The following RETREG1 variants were observed in gnomAD, a reference collection of about 807,000 sequenced individuals.
RETREG1 encodes the protein family with sequence similarity 134 member B.
Under a neutral mutation model 54.8 loss-of-function variants are expected in RETREG1, and 44 were observed. The ratio of observed to expected loss-of-function variants is 0.80; its 90% CI spans 0.63 to 1.03. The LOEUF (loss-of-function observed/expected upper bound fraction) is 1.03, where lower values mean the gene tolerates loss of function less well. Ranked by LOEUF, RETREG1 falls within the 50% of genes least tolerant of loss-of-function variation. The pLI is 0.00. For missense variants in RETREG1, 554 were observed against 605.1 expected (o/e 0.92, Z 0.89); for synonymous variants, 217 against 238.5 (o/e 0.91, Z 0.83).
intron 3 of RETREG1, among the ~76,000 whole-genome samples, chr5:16,506,736 G>A (rs11954927): frequency 0.07 from 10,671 of 152,122 alleles, 562 homozygotes; most frequent in African/African-American, 0.15. Flanking sequence ...CCCTGTCTGG[G>A]ATGCCCCTTC....
chr5:16,579,936 G>A (rs576629043), intron 1 of RETREG1, among the ~76,000 whole-genome samples: 1 of 152,282 alleles, frequency 6.6e-6, no homozygotes, highest in African/African-American at 2.4e-5. Flanking sequence ...ATTTTGTATG[G>A]ACATAAGTTT....
At chr5:16,502,753 T>A (rs542780967) in intron 3 of RETREG1, among the ~76,000 whole-genome samples, 1 of 152,348 alleles carries the variant, frequency 6.6e-6, no homozygotes, top group Admixed American at 6.5e-5. Flanking sequence ...GAAAATTCTT[T>A]AAAGAGACGT....
At chr5:16,558,773 C>T (rs1189198549) in intron 3 of RETREG1, among the ~76,000 whole-genome samples, 2 of 152,130 alleles carry the variant, frequency 1.3e-5, no homozygotes, top group Admixed American at 6.5e-5. Flanking sequence ...TAACATGGAG[C>T]GTGATTAAAC....
Position 16,478,105 on chromosome 5 carries a change from A to G in RETREG1, c.809-7T>C, listed in dbSNP as rs1738619432. ...CTTTTTTCTTTGTCTGCTTCTGTTG[A>G]GGAAAAAATTTGGAAGCTTTCAGTT... On this transcript the variant is annotated splice_polypyrimidine_tract_variant and splice_region_variant and intron_variant, in intron 6 of 8. Transcript: ENST00000306320. 6.2e-7 allele frequency: 1 copy of G among 1,607,494 alleles called. No homozygotes were observed.
At chr5:16,605,313 C>G (rs1291566690) in intron 1 of RETREG1, among the ~76,000 whole-genome samples, 2 of 152,146 alleles carry the variant, frequency 1.3e-5, no homozygotes, top group Non-Finnish European at 2.9e-5. Context: ...CCCTGGGTCC[C>G]CAGGAATCAG....
At chr5:16,575,875 T>C (rs529834586) in intron 1 of RETREG1, among the ~76,000 whole-genome samples, 1 of 152,364 alleles carries the variant, frequency 6.6e-6, no homozygotes, top group East Asian at 1.9e-4. Flanking sequence ...TGAGCACTTT[T>C]GGTACTTTAA....
intron 1 of RETREG1, among the ~76,000 whole-genome samples, chr5:16,607,972 C>T (rs550057925): frequency 3.3e-5 from 5 of 152,044 alleles, no homozygotes; most frequent in East Asian, 3.9e-4. Flanking sequence ...CTCTACCTCC[C>T]GAAATCAAGT....
At chr5:16,557,293 T>A (rs1034917428) in intron 3 of RETREG1, among the ~76,000 whole-genome samples, 10 of 152,230 alleles carry the variant, frequency 6.6e-5, no homozygotes, top group Non-Finnish European at 1.5e-4. Context: ...CATGAGACTT[T>A]TTTTTAAAAC....
intron 3 of RETREG1, among the ~76,000 whole-genome samples, chr5:16,524,004 AG>A (rs574827143): frequency 2.5e-4 from 38 of 152,232 alleles, no homozygotes; most frequent in Middle Eastern, 6.8e-3. Flanking sequence ...CCCTCTCAGC[AG>A]GGCTCCCCTC....
chr5:16,490,363 A>G (rs1561084940), intron 3 of RETREG1, among the ~76,000 whole-genome samples: 1 of 152,230 alleles, frequency 6.6e-6, no homozygotes, highest in Non-Finnish European at 1.5e-5. Flanking sequence ...ATTAAAAAAG[A>G]GTTATAAGAT....
At chr5:16,527,253 C>T (rs1488601452) in intron 3 of RETREG1, among the ~76,000 whole-genome samples, 1 of 152,202 alleles carries the variant, frequency 6.6e-6, no homozygotes, top group Non-Finnish European at 1.5e-5. Flanking sequence ...GGATTTGAAC[C>T]TAGGCCATCT....
chr5:16,495,475 C>T (rs577578028), intron 3 of RETREG1, among the ~76,000 whole-genome samples: 1 of 152,312 alleles, frequency 6.6e-6, no homozygotes, highest in East Asian at 1.9e-4. Context: ...CAGGCCCAGG[C>T]CACCTCTTCC....
chr5:16,573,724 T>G (rs12109584), intron 1 of RETREG1, among the ~76,000 whole-genome samples: 1 of 144,860 alleles, frequency 6.9e-6, no homozygotes, highest in Non-Finnish European at 1.5e-5. Context: ...ATTGGTTTTT[T>G]GGGTTTGTTT....
At position 16,496,468 on chromosome 5, in the gene RETREG1, A is replaced by G. The variant is rs188711434; in HGVS notation, c.459-12996T>C. Among the ~76,000 whole-genome samples the G allele has an allele frequency of 1.7e-3, 256 of 152,296 alleles. 1 individual carries two copies. Among genetic ancestry groups the G allele is most frequent in the African/African-American group, 5.9e-3 (247 of 41,570 alleles). ...GCTGAGATAATTCCCCTTTCTCTTT[A>G]AAGTCATGGCCTGCAAGTTGCCTGT... On this transcript the variant is annotated intron_variant, in intron 3 of 8. Coordinates refer to ENST00000306320, the MANE Select transcript of RETREG1 (RefSeq NM_001034850.3).
At chr5:16,547,833 G>C (rs188049456) in intron 3 of RETREG1, among the ~76,000 whole-genome samples, 3 of 152,202 alleles carry the variant, frequency 2.0e-5, no homozygotes, top group African/African-American at 7.2e-5. Flanking sequence ...TTTTGAAAGA[G>C]GGAGAAATAA....
intron 3 of RETREG1, among the ~76,000 whole-genome samples, chr5:16,554,668 C>T (rs1055314579): frequency 1.3e-5 from 2 of 152,204 alleles, no homozygotes; most frequent in Non-Finnish European, 2.9e-5. Context: ...CCTCACTGCG[C>T]TTACTTTAAA....
At chr5:16,608,141 A>C (rs1347646996) in intron 1 of RETREG1, among the ~76,000 whole-genome samples, 1 of 152,050 alleles carries the variant, frequency 6.6e-6, no homozygotes, top group Non-Finnish European at 1.5e-5. Flanking sequence ...CAGCCTCTCA[A>C]AGTGCTGAGA....
chr5:16,539,620 G>A (rs535030559), intron 3 of RETREG1, among the ~76,000 whole-genome samples: 64 of 152,234 alleles, frequency 4.2e-4, no homozygotes, highest in Non-Finnish European at 7.5e-4. Context: ...TCCTGCAACT[G>A]AGCCTCCCAG....
intron 3 of RETREG1, among the ~76,000 whole-genome samples, chr5:16,484,468 C>T (rs1418913311): frequency 3.9e-5 from 6 of 152,216 alleles, no homozygotes; most frequent in East Asian, 3.9e-4. Flanking sequence ...ACAAAAGCAG[C>T]AAAGTTTCTA....
Sources: gnomAD v4.1 joint callset for allele counts (sites outside exome capture counted in the v4.1 genomes callset) on GRCh38, gnomAD v4.1.1 for gene constraint, MANE v1.5 for transcripts, NCBI Gene and HGNC (gene_info 2026-07-23, HGNC 2026-07-21) for gene names.